VSTM2L: variants seen among roughly 807,000 people sequenced by gnomAD.
VSTM2L encodes V-set and transmembrane domain-containing protein 2-like protein.
VSTM2L carries 9 observed loss-of-function variants against 19.9 expected under a neutral mutation model. The ratio of observed to expected loss-of-function variants is 0.45; its 90% CI spans 0.27 to 0.79. The LOEUF (loss-of-function observed/expected upper bound fraction) is 0.79. Among genes scored for constraint, VSTM2L ranks in the 30% least tolerant of loss-of-function variants. The probability of loss-of-function intolerance (pLI) is 0.15; values close to 1 mark genes in which losing one functional copy is unlikely to be tolerated. For missense variants in VSTM2L, 286 were observed against 295.5 expected, an observed-to-expected ratio of 0.97 and a Z score of 0.24; for synonymous variants, 127 against 133.8, an observed-to-expected ratio of 0.95 and a Z score of 0.35.
At chr20:37,912,893 C>G (rs1056302909) in intron 1 of VSTM2L, among the ~76,000 whole-genome samples, 1 of 152,098 alleles carries the variant, frequency 6.6e-6, no homozygotes, top group South Asian at 2.1e-4. Context: ...TGATCTTTAT[C>G]TCTTTTCCTC....
intron 3 of VSTM2L, among the ~76,000 whole-genome samples, chr20:37,936,286 C>T (rs1490125120): frequency 1.3e-5 from 2 of 152,156 alleles, no homozygotes; most frequent in Non-Finnish European, 2.9e-5. Flanking sequence ...GAAACCCAGA[C>T]CCTGTGTCTA....
chr20:37,913,912 C>T (rs1216852907), intron 1 of VSTM2L, among the ~76,000 whole-genome samples: 1 of 152,122 alleles, frequency 6.6e-6, no homozygotes, highest in Non-Finnish European at 1.5e-5. Flanking sequence ...AGGTTGGCGT[C>T]GGAGTGGGTT....
At chr20:37,935,689 T>C (rs1056011319) in intron 3 of VSTM2L, among the ~76,000 whole-genome samples, 3 of 152,088 alleles carry the variant, frequency 2.0e-5, no homozygotes, top group Non-Finnish European at 4.4e-5. Flanking sequence ...TCCGCTTGTG[T>C]GAGTTTTTGC....
At chr20:37,931,343 C>G (rs1216261661) in intron 1 of VSTM2L, among the ~76,000 whole-genome samples, 4 of 152,170 alleles carry the variant, frequency 2.6e-5, no homozygotes, top group African/African-American at 9.7e-5. Context: ...TCTCTGATCC[C>G]TGGCATGTTC....
chr20:37,943,911 C>A lies in VSTM2L; in HGVS notation c.343-70C>A, dbSNP rs543446037. ...CGTCCTAGCATGCGATCTTGGGACC[C>A]CCCCCCCCGACTCTTCTTCTCCCCC... On this transcript the variant is annotated intron_variant, in intron 3 of 3. Coordinates refer to ENST00000373461, the MANE Select transcript of VSTM2L (RefSeq NM_080607.3). 278 of 547,772 alleles carry A rather than the reference C, an allele frequency of 5.1e-4. 23 individuals carry two copies. Among genetic ancestry groups the A allele is most frequent in the African/African-American group, 4.0e-3 (191 of 47,508 alleles). 33.9% of individuals were successfully genotyped at this position (547,772 alleles called of 1,614,324 possible). A position where few individuals can be genotyped will look rare whatever the true frequency, so the allele number is the denominator to read the frequency against.
At position 37,931,690 on chromosome 20, in the gene VSTM2L, G is replaced by C. The variant is rs756494263; in HGVS notation, c.177G>C (p.Glu59Asp). 1 of 1,613,678 alleles carries C rather than the reference G, an allele frequency of 6.2e-7. No homozygotes were observed. The highest frequency in any genetic ancestry group is 1.1e-5 in the South Asian group (1 of 91,082). ...DMTARTGEDV[E>D]MACSFRGSGS... ...CAGCACGGACGGGCGAGGACGTGGAGATGGCCTGCTCCTTCCGCGGCAGCG... is the reference window on the plus strand; with the variant it reads ...CAGCACGGACGGGCGAGGACGTGGACATGGCCTGCTCCTTCCGCGGCAGCG... Residue 59 changes from glutamate to aspartate, a missense_variant, in exon 2 of 4, where the codon GAG (glutamate) becomes GAC (aspartate). Physicochemically the swap from Glu to Asp is conservative, Grantham distance 45 (BLOSUM62 2). Transcript: ENST00000373461.
At chr20:37,938,019 A>G (rs6021960) in intron 3 of VSTM2L, among the ~76,000 whole-genome samples, 99,183 of 152,020 alleles carry the variant, frequency 0.65, 33,240 homozygotes, top group African/African-American at 0.82. Context: ...GGGGACCATC[A>G]AAGAGTTTAA....
intron 3 of VSTM2L, among the ~76,000 whole-genome samples, chr20:37,940,002 G>A (rs2072962665): frequency 6.6e-6 from 1 of 152,148 alleles, no homozygotes. Context: ...GGCCTTCGTG[G>A]CCCCATCTAG....
At chr20:37,914,396 GTATGTA>G (rs2072801607) in intron 1 of VSTM2L, among the ~76,000 whole-genome samples, 1 of 150,366 alleles carries the variant, frequency 6.7e-6, no homozygotes, top group Admixed American at 6.6e-5. Context: ...GTGGGTGTGT[GTATGTA>G]TGTGTGGGTA....
At chr20:37,908,512 CTG>C (rs1409985540) in intron 1 of VSTM2L, among the ~76,000 whole-genome samples, 2 of 152,216 alleles carry the variant, frequency 1.3e-5, no homozygotes, top group Non-Finnish European at 2.9e-5. Flanking sequence ...TCATCCAACT[CTG>C]TACAAATGGA....
At chr20:37,942,366 C>T (rs993685491) in intron 3 of VSTM2L, among the ~76,000 whole-genome samples, 3 of 152,172 alleles carry the variant, frequency 2.0e-5, no homozygotes, top group African/African-American at 4.8e-5. Context: ...CCTGTAATCC[C>T]AGCTACTGGG....
rs962241741 is a variant in VSTM2L, at chr20:37,944,621, G to A, written c.*368G>A. 57 of 1,033,716 alleles carry A rather than the reference G, an allele frequency of 5.5e-5. No individual in the cohort carries two copies. The highest frequency in any genetic ancestry group is 6.1e-5 in the Non-Finnish European group (53 of 862,524). 64.0% of individuals were successfully genotyped at this position (1,033,716 alleles called of 1,614,324 possible). ...GTCCCCCATCCTGTCCTGAGCCGGG[G>A]CCCCCCAGCCTCGCCTCCCTCCTCC... On this transcript the variant is annotated 3_prime_UTR_variant, in exon 4 of 4. Transcript: ENST00000373461.
At position 37,944,283 on chromosome 20, in the gene VSTM2L, C is replaced by A; in HGVS notation, c.*30C>A. ...ATGCCCCTGCCCCCGCCCATCCGCC[C>A]CCACGCTGTACAGAGTGCATGAGGA... On this transcript the variant is annotated 3_prime_UTR_variant, in exon 4 of 4. Transcript: ENST00000373461. The A allele has an allele frequency of 6.8e-7, 1 of 1,463,722 alleles. No homozygotes were observed. Among genetic ancestry groups the A allele is most frequent in the Non-Finnish European group, 9.1e-7 (1 of 1,100,770 alleles). 90.7% of individuals were successfully genotyped at this position (1,463,722 alleles called of 1,614,324 possible).
At chr20:37,930,869 T>C (rs944559877) in intron 1 of VSTM2L, among the ~76,000 whole-genome samples, 4 of 152,090 alleles carry the variant, frequency 2.6e-5, no homozygotes, top group Admixed American at 2.6e-4. Context: ...CGGCAGGAGC[T>C]CTGTGTCCCT....
At chr20:37,914,153 G>T (rs900118617) in intron 1 of VSTM2L, among the ~76,000 whole-genome samples, 2 of 151,752 alleles carry the variant, frequency 1.3e-5, no homozygotes, top group Non-Finnish European at 2.9e-5. Context: ...GTGTGCGTGT[G>T]TGTATGTGTG....
intron 3 of VSTM2L, among the ~76,000 whole-genome samples, chr20:37,938,957 A>T (rs2072956082): frequency 6.6e-6 from 1 of 152,030 alleles, no homozygotes; most frequent in Non-Finnish European, 1.5e-5. Flanking sequence ...ACATGAGAAG[A>T]CCGATCTGTA....
chr20:37,916,836 A>G (rs2072821288), intron 1 of VSTM2L, among the ~76,000 whole-genome samples: 1 of 152,234 alleles, frequency 6.6e-6, no homozygotes, highest in Non-Finnish European at 1.5e-5. Context: ...AAGACCACAT[A>G]TTATATGATG....
intron 3 of VSTM2L, among the ~76,000 whole-genome samples, chr20:37,941,797 G>A (rs2072973529): frequency 6.6e-6 from 1 of 151,924 alleles, no homozygotes; most frequent in African/African-American, 2.4e-5. Flanking sequence ...GCAGGACAGG[G>A]GCTGCAGGAA....
intron 1 of VSTM2L, among the ~76,000 whole-genome samples, chr20:37,909,092 C>T (rs753132667): frequency 6.6e-6 from 1 of 152,122 alleles, no homozygotes; most frequent in Non-Finnish European, 1.5e-5. Flanking sequence ...AAGAGGCCCA[C>T]GTCACACAGA....
Sources: allele counts gnomAD v4.1 joint callset (sites outside exome capture counted in the v4.1 genomes callset), GRCh38; gene constraint gnomAD v4.1.1; transcripts MANE v1.5; gene names NCBI Gene and HGNC (gene_info 2026-07-23, HGNC 2026-07-21).